The following C18orf63 variants were observed in gnomAD, a reference collection of about 807,000 sequenced individuals.
C18orf63 encodes chromosome 18 open reading frame 63.
A neutral mutation model predicts 75.3 loss-of-function variants in C18orf63; 50 were observed. That is an observed-to-expected ratio of 0.66 (90% CI 0.53 to 0.84). C18orf63 has a LOEUF of 0.84. Among genes scored for constraint, C18orf63 ranks in the 40% least tolerant of loss-of-function variants. The probability of loss-of-function intolerance (pLI) is 0.00; values close to 1 mark genes in which losing one functional copy is unlikely to be tolerated. For synonymous variants in C18orf63, 232 were observed against 267.6 expected (o/e 0.87, Z 1.30); for missense variants, 732 against 800.2 (o/e 0.91, Z 1.03).
At chr18:74,335,022 A>AGCTCC (rs1477230837) in intron 7 of C18orf63, among the ~76,000 whole-genome samples, 2 of 152,148 alleles carry the variant, frequency 1.3e-5, no homozygotes, top group East Asian at 3.8e-4. Context: ...AGAATTCCCC[A>AGCTCC]GCTCCTAAGT....
At position 74,353,773 on chromosome 18, in the gene C18orf63, T is replaced by A; in HGVS notation, c.1506T>A (p.Asn502Lys). 6.5e-7 allele frequency: 1 copy of A among 1,535,936 alleles called. No homozygotes were observed. The highest frequency in any genetic ancestry group is 8.7e-7 in the Non-Finnish European group (1 of 1,146,844). Residue 502 changes from asparagine to lysine, a missense_variant, in exon 12 of 14, where the codon AAT becomes AAA. By Grantham distance (94) the Asn-to-Lys change is moderately conservative. This residue lies in a region of C18orf63 where 495 missense variants were observed against 508.7 expected (regional missense o/e 0.97). Coordinates refer to ENST00000579455, the MANE Select transcript of C18orf63 (RefSeq NM_001174123.2). ...ACATTCAGATGCAGGCTGCTAACAA[T>A]TTAAATCAGGAGAATTCCAGACCTC... ...SSNIQMQAAN[N>K]LNQENSRPLQ...
At chr18:74,316,930 T>C (rs1031727560) in intron 1 of C18orf63, among the ~76,000 whole-genome samples, 9 of 152,198 alleles carry the variant, frequency 5.9e-5, no homozygotes, top group Non-Finnish European at 1.2e-4. Context: ...ATTTGAAGAT[T>C]GGCAAAACGG....
intron 3 of C18orf63, 65 bp from the exon 4 acceptor site, chr18:74,322,633 A>T: frequency 4.0e-6 from 2 of 505,324 alleles, no homozygotes; most frequent in Non-Finnish European, 6.5e-6. Flanking sequence ...TAAAATCTTT[A>T]TTGCATTATT....
Position 74,316,041 on chromosome 18 carries a change from C to G in C18orf63, c.-101C>G, listed in dbSNP as rs557747735. ...GCCGCCCACCCGCCCTTTCCTCCCC[C>G]TGAGGAGACGCCTGACGCATCTGCA... On this transcript the variant is annotated 5_prime_UTR_variant, in exon 1 of 14. Transcript: ENST00000579455. 2.0e-5 allele frequency: 3 copies of G among 152,320 alleles called. No individual in the cohort carries two copies. Among genetic ancestry groups the G allele is most frequent in the Non-Finnish European group, 4.4e-5 (3 of 68,164 alleles). 9.4% of individuals were successfully genotyped at this position (152,320 alleles called of 1,614,324 possible).
chr18:74,353,294 G>A lies in C18orf63; in HGVS notation c.1027G>A (p.Ala343Thr), dbSNP rs1001981042. The A allele has an allele frequency of 1.3e-6, 2 of 1,536,140 alleles. No homozygotes were observed. The highest frequency in any genetic ancestry group is 1.4e-5 in the African/African-American group (1 of 72,934). The change falls in exon 12 of 14, where the codon GCA becomes ACA. Residue 343 changes from alanine (A) to threonine (T), a missense_variant. Ala to Thr is a moderately conservative substitution (Grantham distance 58). Coordinates refer to ENST00000579455, the MANE Select transcript of C18orf63 (RefSeq NM_001174123.2). ...TTTGACCACTAAAAAAATGCTTAGG[G>A]CATCTCTGACTCAAGCCACTTCCAG... ...PNLTTKKMLR[A>T]SLTQATSRKP...
At chr18:74,338,462 C>G (rs928941751) in intron 7 of C18orf63, among the ~76,000 whole-genome samples, 2 of 152,062 alleles carry the variant, frequency 1.3e-5, no homozygotes, top group Non-Finnish European at 2.9e-5. Context: ...ACTAAAATCA[C>G]TGCAAAATAG....
At chr18:74,345,232 TG>T (rs1468582916) in intron 11 of C18orf63, among the ~76,000 whole-genome samples, 2 of 152,154 alleles carry the variant, frequency 1.3e-5, no homozygotes, top group East Asian at 3.8e-4. Flanking sequence ...CGTGTTTGTT[TG>T]TTTTTTTATT....
chr18:74,322,298 A>T (rs1984137695), intron 3 of C18orf63, among the ~76,000 whole-genome samples: 1 of 152,226 alleles, frequency 6.6e-6, no homozygotes, highest in African/African-American at 2.4e-5. Flanking sequence ...GGTTACAAAT[A>T]ATATTTTCCT....
At position 74,330,877 on chromosome 18, in the gene C18orf63, A is replaced by G. The variant is rs1179079959; in HGVS notation, c.436A>G (p.Asn146Asp). Residue 146 changes from asparagine to aspartate, a missense_variant, in exon 7 of 14, where the codon AAT becomes GAT. This residue lies in a region of C18orf63 where 233 missense variants were observed against 272.7 expected (regional missense o/e 0.85). Coordinates refer to ENST00000579455, the MANE Select transcript of C18orf63 (RefSeq NM_001174123.2). Reference sequence around the variant, plus strand: ...TATTTTATTTTCAGTATTAAACATCAATGTAACAGAAACTCAAGTTTGTCT... The same window carrying G: ...TATTTTATTTTCAGTATTAAACATCGATGTAACAGAAACTCAAGTTTGTCT... ...GKQSAVVLNI[N>D]VTETQVCLSI... 2 of 1,387,734 alleles carry G rather than the reference A, an allele frequency of 1.4e-6. No homozygotes were observed. Among genetic ancestry groups the G allele is most frequent in the South Asian group, 1.3e-5 (1 of 74,742 alleles). The allele number at this position is 1,387,734 out of a possible 1,614,324, so 86.0% of individuals were successfully genotyped here.
intron 11 of C18orf63, among the ~76,000 whole-genome samples, chr18:74,345,380 C>G (rs1333159717): frequency 6.6e-6 from 1 of 151,778 alleles, no homozygotes; most frequent in Non-Finnish European, 1.5e-5. Flanking sequence ...GCAGCAGGTC[C>G]TAATTTATAA....
At chr18:74,348,882 A>G (rs745772594) in intron 11 of C18orf63, among the ~76,000 whole-genome samples, 9 of 152,200 alleles carry the variant, frequency 5.9e-5, no homozygotes, top group Non-Finnish European at 1.2e-4. Context: ...AAGAATGAGT[A>G]AATAATATAT....
intron 6 of C18orf63, among the ~76,000 whole-genome samples, chr18:74,330,570 T>C (rs544614603): frequency 6.6e-6 from 1 of 152,150 alleles, no homozygotes; most frequent in East Asian, 1.9e-4. Context: ...TTGTGTAAGG[T>C]ATTTGTTGGA....
chr18:74,323,750 TAACA>T (rs1984163076), intron 4 of C18orf63, among the ~76,000 whole-genome samples: 1 of 152,222 alleles, frequency 6.6e-6, no homozygotes, highest in Non-Finnish European at 1.5e-5. Flanking sequence ...TGTTTCAATA[TAACA>T]TTAATGAGAA....
At chr18:74,334,087 G>A (rs905377224) in intron 7 of C18orf63, among the ~76,000 whole-genome samples, 8 of 152,136 alleles carry the variant, frequency 5.3e-5, no homozygotes, top group Admixed American at 2.6e-4. Context: ...TCCCCATGGA[G>A]CCTAAAAGAT....
chr18:74,330,942 G>A lies in C18orf63; in HGVS notation c.501G>A (p.Glu167=). ...EACTIRLPAP[E]LKEFEISQSI... ...GCACAATCAGACTGCCAGCACCTGA[G>A]GTACCATATATTGTGATTTCTATAC... The change falls in exon 7 of 14, where the codon GAG becomes GAA. Residue 167 remains glutamate, a splice_region_variant and synonymous_variant. Transcript: ENST00000579455. 1 of 1,396,488 alleles carries A rather than the reference G, an allele frequency of 7.2e-7. No homozygotes were observed. The highest frequency in any genetic ancestry group is 9.6e-7 in the Non-Finnish European group (1 of 1,045,566). 86.5% of individuals were successfully genotyped at this position (1,396,488 alleles called of 1,614,324 possible). A position where few individuals can be genotyped will look rare whatever the true frequency, so the allele number is the denominator to read the frequency against.
chr18:74,330,199 A>G (rs1336017371), intron 6 of C18orf63, among the ~76,000 whole-genome samples: 1 of 152,168 alleles, frequency 6.6e-6, no homozygotes, highest in Non-Finnish European at 1.5e-5. Context: ...TTTTACTTTT[A>G]TTGAAATGTA....
At chr18:74,322,016 T>C (rs767164594) in intron 3 of C18orf63, among the ~76,000 whole-genome samples, 5 of 152,240 alleles carry the variant, frequency 3.3e-5, no homozygotes, top group Non-Finnish European at 7.3e-5. Context: ...TACTTAATAC[T>C]TTCCAGTGCA....
intron 6 of C18orf63, among the ~76,000 whole-genome samples, chr18:74,329,373 CAAAA>C (rs5826314): frequency 0.017 from 1,580 of 94,300 alleles, 16 homozygotes; most frequent in South Asian, 0.066. Context: ...GACCCTATTT[CAAAA>C]AAAAAAAAAA....
chr18:74,346,980 G>A (rs1464342387), intron 11 of C18orf63, among the ~76,000 whole-genome samples: 1 of 152,212 alleles, frequency 6.6e-6, no homozygotes, highest in Non-Finnish European at 1.5e-5. Flanking sequence ...TAAATGCATT[G>A]CAGAATTAGA....
Sources: gnomAD v4.1 joint callset for allele counts (sites outside exome capture counted in the v4.1 genomes callset) on GRCh38, gnomAD v4.1.1 for gene constraint, gnomAD v4.1.1 regional missense constraint, MANE v1.5 for transcripts, NCBI Gene and HGNC (gene_info 2026-07-23, HGNC 2026-07-21) for gene names.